MPHOSPH9: variants seen among roughly 807,000 people sequenced by gnomAD.
MPHOSPH9 encodes the protein M-phase phosphoprotein 9.
Under a neutral mutation model 145.5 loss-of-function variants are expected in MPHOSPH9, and 88 were observed. The ratio of observed to expected loss-of-function variants is 0.60; its 90% CI spans 0.51 to 0.72. The LOEUF is 0.72. Ranked by LOEUF, MPHOSPH9 falls within the 30% of genes least tolerant of loss-of-function variation. The probability of loss-of-function intolerance (pLI) is 0.00; values close to 1 mark genes in which losing one functional copy is unlikely to be tolerated. For synonymous variants in MPHOSPH9, 435 were observed against 486.2 expected, an observed-to-expected ratio of 0.89 and a Z score of 1.39; for missense variants, 1,238 against 1,386.6, an observed-to-expected ratio of 0.89 and a Z score of 1.70.
At chr12:123,217,259 G>A (rs1404447542) in intron 6 of MPHOSPH9, among the ~76,000 whole-genome samples, 2 of 151,174 alleles carry the variant, frequency 1.3e-5, no homozygotes, top group Non-Finnish European at 1.5e-5. Flanking sequence ...GTGCAATGGC[G>A]TGATCTTGGC....
intron 13 of MPHOSPH9, among the ~76,000 whole-genome samples, chr12:123,189,793 A>T (rs1210375561): frequency 6.6e-6 from 1 of 151,886 alleles, no homozygotes; most frequent in Non-Finnish European, 1.5e-5. Context: ...AAAATCAGCC[A>T]GGTGTGGTGG....
chr12:123,235,039 A>G (rs903375375), upstream of MPHOSPH9, among the ~76,000 whole-genome samples: 4 of 152,244 alleles, frequency 2.6e-5, no homozygotes, highest in Non-Finnish European at 5.9e-5. Context: ...ACAAAGGCCG[A>G]TGAAATAATC....
intron 20 of MPHOSPH9, 46 bp from the exon 21 acceptor site, chr12:123,162,264 A>G (rs1318121436): frequency 1.9e-6 from 2 of 1,075,256 alleles, no homozygotes; most frequent in East Asian, 2.7e-5. Flanking sequence ...ATGTTAACTG[A>G]TTTTCCCTAT....
chr12:123,204,030 G>A (rs1178956546), intron 8 of MPHOSPH9, among the ~76,000 whole-genome samples: 2 of 152,032 alleles, frequency 1.3e-5, no homozygotes, highest in African/African-American at 2.4e-5. Context: ...TAGGCTAGGC[G>A]CAGTGGCTCA....
At chr12:123,238,929 C>G (rs1043856527) in intron 1 of MPHOSPH9, among the ~76,000 whole-genome samples, 1 of 152,042 alleles carries the variant, frequency 6.6e-6, no homozygotes, top group African/African-American at 2.4e-5. Flanking sequence ...ATGACCATAA[C>G]CTAGAATTTG....
At chr12:123,168,337 C>CTTTCTT (rs1236171993) in intron 16 of MPHOSPH9, among the ~76,000 whole-genome samples, 1 of 147,424 alleles carries the variant, frequency 6.8e-6, no homozygotes, top group East Asian at 2.0e-4. Flanking sequence ...GGCAACATGA[C>CTTTCTT]TTTCTTTTTT....
At chr12:123,235,640 G>A (rs1209265869), upstream of MPHOSPH9, among the ~76,000 whole-genome samples, 18 of 151,378 alleles carry the variant, frequency 1.2e-4, no homozygotes. Context: ...CCACGGTGCT[G>A]GGATTACAGG....
At chr12:123,225,497 A>G in intron 3 of MPHOSPH9, among the ~76,000 whole-genome samples, 1 of 141,420 alleles carries the variant, frequency 7.1e-6, no homozygotes, top group Non-Finnish European at 1.5e-5. Flanking sequence ...AGAGGAGAAA[A>G]AGAAACAAAG....
chr12:123,214,954 G>A (rs2046896231), intron 6 of MPHOSPH9, 120 bp from the exon 7 acceptor site: 2 of 817,376 alleles, frequency 2.4e-6, no homozygotes, highest in Admixed American at 2.3e-5. Context: ...GTTCAAAGAA[G>A]AAAGCCTGGC....
chr12:123,242,520 G>C (rs1487352828), intron 1 of MPHOSPH9, among the ~76,000 whole-genome samples: 3 of 152,128 alleles, frequency 2.0e-5, no homozygotes, highest in Non-Finnish European at 4.4e-5. Context: ...GGGTGTGTTT[G>C]TCATTTTTAG....
intron 8 of MPHOSPH9, among the ~76,000 whole-genome samples, chr12:123,203,923 G>GC (rs2046317974): frequency 6.6e-6 from 1 of 152,088 alleles, no homozygotes; most frequent in Admixed American, 6.5e-5. Context: ...CTGAGCTCAA[G>GC]CAATCCTCCC....
chr12:123,161,652 T>G (rs1343921133), intron 21 of MPHOSPH9, among the ~76,000 whole-genome samples: 2 of 104,496 alleles, frequency 1.9e-5, no homozygotes, highest in Non-Finnish European at 4.0e-5. Context: ...GAACTTTAAG[T>G]AAACTTAAAG....
intron 1 of MPHOSPH9, among the ~76,000 whole-genome samples, chr12:123,242,422 A>C (rs1315734008): frequency 6.6e-6 from 1 of 152,038 alleles, no homozygotes; most frequent in Non-Finnish European, 1.5e-5. Flanking sequence ...AGCTGCTTTT[A>C]TTGTTCCCTA....
intron 16 of MPHOSPH9, among the ~76,000 whole-genome samples, chr12:123,169,719 G>A (rs2044490587): frequency 6.6e-6 from 1 of 151,000 alleles, no homozygotes; most frequent in Non-Finnish European, 1.5e-5. Context: ...TCCTGCCTCA[G>A]CCTCCACAGT....
At chr12:123,214,359 C>T (rs2046870648) in intron 7 of MPHOSPH9, among the ~76,000 whole-genome samples, 1 of 151,964 alleles carries the variant, frequency 6.6e-6, no homozygotes, top group African/African-American at 2.4e-5. Context: ...GGCAACATGG[C>T]GAAACCCTGT....
chr12:123,230,588 A>G (rs926829102), intron 1 of MPHOSPH9, 66 bp from the exon 2 acceptor site: 18 of 396,148 alleles, frequency 4.5e-5, no homozygotes, highest in African/African-American at 1.7e-4. Context: ...CTGTTTTTAC[A>G]TAACTTTGGA....
intron 7 of MPHOSPH9, among the ~76,000 whole-genome samples, chr12:123,211,147 G>A (rs2046696180): frequency 6.6e-6 from 1 of 152,000 alleles, no homozygotes; most frequent in Non-Finnish European, 1.5e-5. Flanking sequence ...ATCACGCCCT[G>A]CTAATTTTTG....
intron 12 of MPHOSPH9, among the ~76,000 whole-genome samples, 159 bp downstream of exon 12, chr12:123,198,088 A>C (rs550218567): frequency 5.9e-5 from 9 of 152,146 alleles, no homozygotes; most frequent in Non-Finnish European, 1.2e-4. Context: ...CGTCTCAAAA[A>C]AAAAAAAAAG....
At chr12:123,214,964 C>A in intron 6 of MPHOSPH9, 130 bp from the exon 7 acceptor site, 1 of 748,664 alleles carries the variant, frequency 1.3e-6, no homozygotes, top group Admixed American at 2.4e-5. Flanking sequence ...GAAAGCCTGG[C>A]CAGGCGTGAT....
Sources: allele counts gnomAD v4.1 joint callset (sites outside exome capture counted in the v4.1 genomes callset), GRCh38; gene constraint gnomAD v4.1.1; transcripts MANE v1.5; gene names NCBI Gene and HGNC (gene_info 2026-07-23, HGNC 2026-07-21).